JAM2: variants seen among roughly 807,000 people sequenced by gnomAD.
The protein encoded by JAM2 is junctional adhesion molecule B.
Under a neutral mutation model 42.0 loss-of-function variants are expected in JAM2, and 17 were observed. The observed-to-expected ratio is 0.40, with a 90% confidence interval of 0.28 to 0.61. The LOEUF (loss-of-function observed/expected upper bound fraction) is 0.61, where lower values mean the gene tolerates loss of function less well. JAM2 is among the 20% of genes least tolerant of loss of function. The pLI is 0.37. For missense variants in JAM2, 319 were observed against 358.3 expected (o/e 0.89, Z 0.89); for synonymous variants, 118 against 128.6 (o/e 0.92, Z 0.56).
intron 7 of JAM2, among the ~76,000 whole-genome samples, chr21:25,708,161 T>G (rs544794650): frequency 6.6e-6 from 1 of 152,218 alleles, no homozygotes; most frequent in African/African-American, 2.4e-5. Flanking sequence ...AAAAATATAT[T>G]TTATGCCAAA....
chr21:25,693,111 T>C (rs2033918509), intron 3 of JAM2, among the ~76,000 whole-genome samples: 1 of 152,158 alleles, frequency 6.6e-6, no homozygotes, highest in Non-Finnish European at 1.5e-5. Flanking sequence ...GTTATTAACC[T>C]TACACATAAA....
intron 1 of JAM2, among the ~76,000 whole-genome samples, chr21:25,650,863 CGTGTATGT>C (rs1401751593): frequency 2.0e-5 from 3 of 151,670 alleles, no homozygotes; most frequent in Non-Finnish European, 4.4e-5. Context: ...TTAGAAATCA[CGTGTATGT>C]GTGTATGTGT....
At chr21:25,671,210 T>C (rs1055240452) in intron 1 of JAM2, among the ~76,000 whole-genome samples, 11 of 152,190 alleles carry the variant, frequency 7.2e-5, no homozygotes, top group African/African-American at 2.2e-4. Context: ...TTGTGGGTGG[T>C]AAAATCGAGA....
chr21:25,677,908 A>G (rs1054339457), intron 1 of JAM2, among the ~76,000 whole-genome samples: 2 of 152,198 alleles, frequency 1.3e-5, no homozygotes, highest in African/African-American at 2.4e-5. Flanking sequence ...TCACAGAACA[A>G]TGGTTTGGCA....
At chr21:25,701,302 C>T (rs1024808657) in intron 5 of JAM2, among the ~76,000 whole-genome samples, 3 of 152,182 alleles carry the variant, frequency 2.0e-5, no homozygotes, top group African/African-American at 7.2e-5. Context: ...CTCCCTCCAT[C>T]TAGGAGGATC....
At position 25,702,233 on chromosome 21, in the gene JAM2, G is replaced by A. The variant is rs370342107; in HGVS notation, c.661G>A (p.Gly221Arg). Residue 221 changes from glycine (G) to arginine (R), a missense_variant, in exon 6 of 10, where the codon GGA becomes AGA. Physicochemically the swap from Gly to Arg is moderately radical, Grantham distance 125. Transcript: ENST00000480456. ...EYSCEARNSV[G>R]YRRCPGKRMQ... ...TTCCTGTGAAGCCCGCAATTCTGTT[G>A]GATATCGCAGGTGTCCTGGGAAACG... is the stretch of plus-strand genomic sequence containing the variant. 3.1e-6 allele frequency: 5 copies of A among 1,598,482 alleles called. No individual in the cohort carries two copies. The African/African-American group carries it at 6.7e-5, about 21-fold the overall frequency.
rs147500874 is a variant in JAM2 at position 25,645,052 on chromosome 21, T to A, written c.67+5164T>A. ...CCCACCACCACGCCCACCTAACTTTTGTATTTTTAGTAGAGACTGGGTTTC... is the reference window on the plus strand; with the variant it reads ...CCCACCACCACGCCCACCTAACTTTAGTATTTTTAGTAGAGACTGGGTTTC... On this transcript the variant is annotated intron_variant, in intron 1 of 9. Transcript: ENST00000480456. Among the ~76,000 whole-genome samples the A allele has an allele frequency of 6.4e-4, 97 of 152,312 alleles. 2 individuals are homozygous for A. The East Asian group carries it at 0.017, about 26-fold the overall frequency.
At chr21:25,654,378 G>A (rs923778526) in intron 1 of JAM2, among the ~76,000 whole-genome samples, 3 of 152,168 alleles carry the variant, frequency 2.0e-5, no homozygotes, top group East Asian at 1.9e-4. Context: ...GGCAGGTGCT[G>A]TGGCTCACGC....
rs1335697008 is a variant in JAM2 at position 25,715,484 on chromosome 21, C to CAGAT, written c.*814_*817dup. 6.6e-5 allele frequency: 10 copies of CAGAT among 152,314 alleles called. No individual in the cohort carries two copies. The highest frequency in any genetic ancestry group is 1.3e-4 in the Non-Finnish European group (9 of 68,026). 9.4% of individuals were successfully genotyped at this position (152,314 alleles called of 1,614,324 possible). On this transcript the variant is annotated 3_prime_UTR_variant, in exon 10 of 10. Coordinates refer to ENST00000480456, the MANE Select transcript of JAM2 (RefSeq NM_021219.4). The stretch of plus-strand genomic sequence containing the variant: ...CACCACTGGAGCCTACACAAGTTTG[C>CAGAT]AGATACCTTTCCCTGCAGGAGTGGT...
intron 1 of JAM2, among the ~76,000 whole-genome samples, chr21:25,668,132 T>C (rs1379481780): frequency 6.6e-6 from 1 of 152,152 alleles, no homozygotes; most frequent in African/African-American, 2.4e-5. Flanking sequence ...GAAGCCAGTG[T>C]CCCTGGAGCA....
intron 1 of JAM2, among the ~76,000 whole-genome samples, chr21:25,679,881 T>A (rs1316183325): frequency 3.3e-5 from 5 of 152,318 alleles, no homozygotes. Flanking sequence ...AGCACAGTAA[T>A]TAACTATGTG....
chr21:25,663,556 A>G lies in JAM2; in HGVS notation c.68-20327A>G, dbSNP rs1020924458. 3.9e-5 allele frequency among the ~76,000 whole-genome samples: 6 copies of G among 152,196 alleles called. 1 individual carries two copies. In the East Asian group the frequency reaches 1.2e-3, roughly 29 times the overall value. On this transcript the variant is annotated intron_variant, in intron 1 of 9. Coordinates refer to ENST00000480456, the MANE Select transcript of JAM2 (RefSeq NM_021219.4). Reference sequence around the variant, plus strand: ...CCTTCATGAATGGATTAACCCATTCATAGATTAACAATTTAAGGAATTAAT... The same window carrying G: ...CCTTCATGAATGGATTAACCCATTCGTAGATTAACAATTTAAGGAATTAAT...
At chr21:25,713,224 T>G (rs1383192928) in intron 9 of JAM2, among the ~76,000 whole-genome samples, 1 of 152,148 alleles carries the variant, frequency 6.6e-6, no homozygotes, top group Non-Finnish European at 1.5e-5. Flanking sequence ...GCACAGAATA[T>G]CCTGTTATAA....
At chr21:25,688,243 G>GGTGTGTGTGTGTGTGTGTGTGTGTGT (rs147927864) in intron 2 of JAM2, among the ~76,000 whole-genome samples, 3 of 149,710 alleles carry the variant, frequency 2.0e-5, no homozygotes, top group East Asian at 2.0e-4. Context: ...CACCAGGAGG[G>GGTGTGTGTGTGTGTGTGTGTGTGTGT]GTGTGTGTGT....
chr21:25,703,447 C>T (rs944506409), intron 6 of JAM2, among the ~76,000 whole-genome samples: 17 of 152,220 alleles, frequency 1.1e-4, no homozygotes, highest in Non-Finnish European at 1.6e-4. Flanking sequence ...GTTTGTTTAA[C>T]GGTCATCCAT....
chr21:25,666,226 C>T (rs2033216016), intron 1 of JAM2, among the ~76,000 whole-genome samples: 3 of 151,868 alleles, frequency 2.0e-5, no homozygotes, highest in South Asian at 2.1e-4. Context: ...AAAAATTGCT[C>T]ACCTTGTGTT....
At chr21:25,657,203 G>A (rs992597264) in intron 1 of JAM2, among the ~76,000 whole-genome samples, 1 of 152,026 alleles carries the variant, frequency 6.6e-6, no homozygotes, top group Non-Finnish European at 1.5e-5. Context: ...TTGTAGAGAT[G>A]AGTTCTCACT....
chr21:25,702,482 T>C (rs764909706), intron 6 of JAM2, among the ~76,000 whole-genome samples: 28 of 152,246 alleles, frequency 1.8e-4, no homozygotes, highest in Non-Finnish European at 3.7e-4. Context: ...ATACTTAGTA[T>C]TGTATTTAAC....
chr21:25,679,668 G>T (rs1168075845), intron 1 of JAM2, among the ~76,000 whole-genome samples: 1 of 152,186 alleles, frequency 6.6e-6, no homozygotes, highest in East Asian at 1.9e-4. Flanking sequence ...GGGTTACGTT[G>T]GTGTCCTACT....
Sources: gnomAD v4.1 joint callset for allele counts (sites outside exome capture counted in the v4.1 genomes callset) on GRCh38, gnomAD v4.1.1 for gene constraint, MANE v1.5 for transcripts, NCBI Gene and HGNC (gene_info 2026-07-23, HGNC 2026-07-21) for gene names.